Variants in KAZN observed in about 807,000 individuals in gnomAD.
The protein encoded by KAZN is kazrin.
In KAZN, 40 loss-of-function variants were observed where a neutral mutation model predicts 87.4. The ratio of observed to expected loss-of-function variants is 0.46; its 90% CI spans 0.36 to 0.60. The LOEUF (loss-of-function observed/expected upper bound fraction) is 0.60, where lower values mean the gene tolerates loss of function less well. Among genes scored for constraint, KAZN ranks in the 20% least tolerant of loss-of-function variants. The pLI is 0.00. For missense variants in KAZN, 898 were observed against 1,073.9 expected, an observed-to-expected ratio of 0.84 and a Z score of 2.29; for synonymous variants, 466 against 458.3, an observed-to-expected ratio of 1.02 and a Z score of -0.22.
At chr1:14,021,953 CTT>C (rs141959214) in intron 1 of KAZN, among the ~76,000 whole-genome samples, 4,014 of 114,148 alleles carry the variant, frequency 0.035, 68 homozygotes, top group Middle Eastern at 0.098. Flanking sequence ...AATGAACATG[CTT>C]TTTTTTTTTT....
chr1:14,990,101 G>A (rs767598789), intron 2 of KAZN, among the ~76,000 whole-genome samples: 1 of 152,208 alleles, frequency 6.6e-6, no homozygotes, highest in Non-Finnish European at 1.5e-5. Flanking sequence ...CCAGATGCAG[G>A]CCTGTCTCAT....
chr1:14,643,891 AT>A (rs1211084955), intron 1 of KAZN, among the ~76,000 whole-genome samples: 1 of 150,348 alleles, frequency 6.7e-6, no homozygotes, highest in Non-Finnish European at 1.5e-5. Context: ...TCTCATTAAG[AT>A]TTTAATTTGC....
rs1571263515 is a variant in KAZN at position 14,304,766 on chromosome 1, A to G, written c.249+124174A>G. On this transcript the variant is annotated intron_variant, in intron 2 of 16. Coordinates refer to the KAZN transcript ENST00000636203. ...CATTACCACACCACAGTCTTAAGGC[A>G]TGACATAATTTACTTTTGCATTTTC... is the stretch of plus-strand genomic sequence containing the variant. 1.3e-5 allele frequency: 5 copies of G among 396,952 alleles called. No homozygotes were observed. In the East Asian group the frequency reaches 1.8e-4, roughly 14 times the overall value. The allele number at this position is 396,952 out of a possible 1,614,324, so 24.6% of individuals were successfully genotyped here. A position where few individuals can be genotyped will look rare whatever the true frequency, so the allele number is the denominator to read the frequency against.
intron 2 of KAZN, among the ~76,000 whole-genome samples, chr1:14,329,422 G>T (rs927971467): frequency 2.6e-5 from 4 of 152,224 alleles, no homozygotes; most frequent in African/African-American, 4.8e-5. Context: ...AAGAGGGAAT[G>T]AATGTTATCA....
chr1:14,517,365 G>A lies in KAZN; in HGVS notation c.250-81618G>A, dbSNP rs187832146. Among the ~76,000 whole-genome samples the A allele has an allele frequency of 3.9e-5, 6 of 152,198 alleles. No individual in the cohort carries two copies. The East Asian group carries it at 1.2e-3, about 29-fold the overall frequency. On this transcript the variant is annotated intron_variant, in intron 2 of 16. Transcript: ENST00000636203. ...GAGAAAAGGAGGGCAGAAAAATCAT[G>A]AGAGAGAGCAGGGAATGACATCAGA...
chr1:14,945,617 G>A (rs1004972360), intron 1 of KAZN, among the ~76,000 whole-genome samples: 1 of 152,218 alleles, frequency 6.6e-6, no homozygotes, highest in Non-Finnish European at 1.5e-5. Context: ...CTGCTCGTTA[G>A]TGACTTTATT....
At chr1:14,315,760 C>T (rs1413934200) in intron 2 of KAZN, among the ~76,000 whole-genome samples, 1 of 151,926 alleles carries the variant, frequency 6.6e-6, no homozygotes, top group Admixed American at 6.6e-5. Context: ...TGAATGTATT[C>T]CCTTGAAAGT....
At chr1:14,554,879 C>A (rs1373327334) in intron 2 of KAZN, among the ~76,000 whole-genome samples, 4 of 152,226 alleles carry the variant, frequency 2.6e-5, no homozygotes, top group South Asian at 2.1e-4. Flanking sequence ...CACAAACCAT[C>A]CCAGTGCTAC....
intron 2 of KAZN, among the ~76,000 whole-genome samples, chr1:14,332,040 G>A (rs1276555282): frequency 3.3e-5 from 5 of 151,982 alleles, no homozygotes; most frequent in Non-Finnish European, 7.4e-5. Flanking sequence ...AAAATTTTAG[G>A]CTCTGCAGGC....
At chr1:14,746,968 G>C (rs779125752) in intron 1 of KAZN, among the ~76,000 whole-genome samples, 10 of 152,202 alleles carry the variant, frequency 6.6e-5, no homozygotes, top group Middle Eastern at 3.4e-3. Context: ...AATGAAAACT[G>C]TATCCATTAA....
chr1:14,389,913 T>C (rs759847380), intron 2 of KAZN, among the ~76,000 whole-genome samples: 2 of 152,192 alleles, frequency 1.3e-5, no homozygotes, highest in African/African-American at 2.4e-5. Context: ...GGGTACCCCA[T>C]TTACCCTGCT....
At chr1:14,789,222 G>C (rs1028216130) in intron 1 of KAZN, among the ~76,000 whole-genome samples, 1 of 152,180 alleles carries the variant, frequency 6.6e-6, no homozygotes, top group Non-Finnish European at 1.5e-5. Flanking sequence ...ATTGTAGGGA[G>C]GGCTTCCCAA....
At chr1:14,075,081 G>A (rs1177452517) in intron 1 of KAZN, among the ~76,000 whole-genome samples, 1 of 152,098 alleles carries the variant, frequency 6.6e-6, no homozygotes, top group East Asian at 1.9e-4. Flanking sequence ...TGGGGTGAGG[G>A]GGCTGCCAGG....
chr1:14,921,197 G>A (rs1226475492), intron 1 of KAZN, among the ~76,000 whole-genome samples: 2 of 132,268 alleles, frequency 1.5e-5, no homozygotes, highest in Admixed American at 7.4e-5. Context: ...CATTCACACA[G>A]AGCCACGGCC....
At chr1:14,146,270 C>T (rs1440138889) in intron 1 of KAZN, among the ~76,000 whole-genome samples, 2 of 151,650 alleles carry the variant, frequency 1.3e-5, no homozygotes, top group Non-Finnish European at 2.9e-5. Context: ...CACGGTGGCT[C>T]ATGCCTGTAA....
chr1:14,460,659 C>G (rs1337288095), intron 2 of KAZN, among the ~76,000 whole-genome samples: 1 of 152,158 alleles, frequency 6.6e-6, no homozygotes, highest in Admixed American at 6.5e-5. Flanking sequence ...CCCATCATCC[C>G]CACACATCAA....
At chr1:14,758,935 G>GAA (rs1018330973) in intron 1 of KAZN, among the ~76,000 whole-genome samples, 1 of 152,008 alleles carries the variant, frequency 6.6e-6, no homozygotes, top group African/African-American at 2.4e-5. Flanking sequence ...GAGAAAGCAT[G>GAA]AAAGTAAGAG....
intron 1 of KAZN, among the ~76,000 whole-genome samples, chr1:14,778,315 GGTT>G (rs890052608): frequency 6.6e-6 from 1 of 151,982 alleles, no homozygotes; most frequent in African/African-American, 2.4e-5. Flanking sequence ...AATGCTGGCT[GGTT>G]GTTGTGTCAA....
chr1:15,044,219 C>G, intron 4 of KAZN, 60 bp downstream of exon 4: 4 of 1,037,284 alleles, frequency 3.9e-6, no homozygotes, highest in Non-Finnish European at 5.0e-6. Flanking sequence ...TGCTGGGAGC[C>G]GGGACGTCTG....
Sources: gnomAD v4.1 joint callset for allele counts (sites outside exome capture counted in the v4.1 genomes callset) on GRCh38, gnomAD v4.1.1 for gene constraint, MANE v1.5 for transcripts, NCBI Gene and HGNC (gene_info 2026-07-23, HGNC 2026-07-21) for gene names.